UCP3: variants seen among roughly 807,000 people sequenced by gnomAD.
UCP3 encodes the protein uncoupling protein 3.
A neutral mutation model predicts 28.1 loss-of-function variants in UCP3; 24 were observed. The observed-to-expected ratio is 0.85, with a 90% CI of 0.62 to 1.20. UCP3 has a LOEUF of 1.20. UCP3 is among the 50% of genes most tolerant of loss of function. UCP3 has a pLI of 0.00. For synonymous variants in UCP3, 184 were observed against 171.2 expected (o/e 1.07, Z -0.59); for missense variants, 397 against 422.2 (o/e 0.94, Z 0.52).
At position 74,003,920 on chromosome 11, in the gene UCP3, C is replaced by T. The variant is rs755928179; in HGVS notation, c.731G>A (p.Arg244Gln). 2.0e-5 allele frequency: 33 copies of T among 1,614,082 alleles called. No homozygotes were observed. The Admixed American group carries it at 2.8e-4, about 14-fold the overall frequency. The change falls in exon 6 of 7, where the codon CGG becomes CAG. Residue 244 changes from arginine to glutamine, a missense_variant. Physicochemically the swap from Arg to Gln is conservative, Grantham distance 43 (BLOSUM62 1). Coordinates refer to ENST00000314032, the MANE Select transcript of UCP3 (RefSeq NM_003356.4). The part of the protein sequence containing the change: ...VASPVDVVKT[R>Q]YMNSPPGQYF... ...CTGGCCTGGAGGTGAGTTCATATACCGGGTCTTCACCACGTCCACCGGGGA... is the reference window on the plus strand; with the variant it reads ...CTGGCCTGGAGGTGAGTTCATATACTGGGTCTTCACCACGTCCACCGGGGA...
At chr11:74,002,547 G>A (rs1415046331) in intron 6 of UCP3, among the ~76,000 whole-genome samples, 2 of 152,142 alleles carry the variant, frequency 1.3e-5, no homozygotes, top group Non-Finnish European at 2.9e-5. Context: ...GTGCAGATTA[G>A]GTGAGTTAAT....
intron 4 of UCP3, 100 bp from the exon 5 acceptor site, chr11:74,004,685 T>G: frequency 8.7e-7 from 1 of 1,146,100 alleles, no homozygotes; most frequent in Non-Finnish European, 1.3e-6. Context: ...CAGGCCCCAG[T>G]TTTGGGGCCA....
chr11:74,008,790 C>A (rs1486016213), intron 1 of UCP3, among the ~76,000 whole-genome samples, 188 bp downstream of exon 1: 1 of 152,170 alleles, frequency 6.6e-6, no homozygotes, highest in African/African-American at 2.4e-5. Flanking sequence ...TGCCACAGTA[C>A]CCTCATCAAG....
intron 4 of UCP3, among the ~76,000 whole-genome samples, chr11:74,004,904 C>G (rs1470565514): frequency 6.6e-6 from 1 of 152,226 alleles, no homozygotes; most frequent in Non-Finnish European, 1.5e-5. Flanking sequence ...GGAGACCCAG[C>G]TGCAGCCAGA....
Position 74,002,905 on chromosome 11 carries a change from C to G in UCP3, c.824+922G>C, listed in dbSNP as rs1337193618. 7.1e-6 allele frequency: 7 copies of G among 985,446 alleles called. No homozygotes were observed. In the East Asian group the frequency reaches 3.4e-4, roughly 48 times the overall value. The allele number at this position is 985,446 out of a possible 1,614,324, so 61.0% of individuals were successfully genotyped here. ...CATCAGCAGTGGGAGGTGAAAGGGCCAAGCTAAGAGCTTACCAGTAGGATA... is the reference window on the plus strand; with the variant it reads ...CATCAGCAGTGGGAGGTGAAAGGGCGAAGCTAAGAGCTTACCAGTAGGATA... On this transcript the variant is annotated intron_variant, in intron 6 of 6. Coordinates refer to ENST00000314032, the MANE Select transcript of UCP3 (RefSeq NM_003356.4).
intron 6 of UCP3, 81 bp from the exon 7 acceptor site, chr11:74,001,607 G>T: frequency 8.1e-7 from 1 of 1,234,292 alleles, no homozygotes; most frequent in Non-Finnish European, 1.2e-6. Context: ...GGACACAGTG[G>T]TAGTGCCAGA....
At chr11:74,003,395 A>G in intron 6 of UCP3, 9 of 954,724 alleles carry the variant, frequency 9.4e-6, no homozygotes, top group Non-Finnish European at 1.1e-5. Context: ...TGGCATTTGA[A>G]CTCGTCTTGA....
chr11:74,004,185 C>T (rs964797427), intron 5 of UCP3, among the ~76,000 whole-genome samples, 178 bp from the exon 6 acceptor site: 4 of 152,208 alleles, frequency 2.6e-5, no homozygotes, highest in African/African-American at 4.8e-5. Flanking sequence ...CCTGGGCTGA[C>T]CCAGAGGTGG....
chr11:74,006,491 T>G (rs945617873), intron 2 of UCP3, 112 bp from the exon 3 acceptor site: 9 of 1,082,094 alleles, frequency 8.3e-6, no homozygotes, highest in Middle Eastern at 3.0e-4. Context: ...AGAACAACCA[T>G]GCTGGTCACA....
At chr11:74,003,330 G>GAGTTTGATACC (rs1951634608) in intron 6 of UCP3, 1 of 336,370 alleles carries the variant, frequency 3.0e-6, no homozygotes, top group Non-Finnish European at 4.2e-6. Flanking sequence ...AAATGGCATT[G>GAGTTTGATACC]CAGAAGTTCC....
intron 6 of UCP3, 124 bp downstream of exon 6, chr11:74,003,703 C>G: frequency 6.9e-7 from 1 of 1,458,204 alleles, no homozygotes; most frequent in Non-Finnish European, 9.0e-7. Flanking sequence ...TAAACTTCTT[C>G]TTTGTGGCAT....
Position 74,006,436 on chromosome 11 carries a change from T to C in UCP3, c.127-57A>G. 1.3e-5 allele frequency: 19 copies of C among 1,460,304 alleles called. No homozygotes were observed. In the South Asian group the frequency reaches 2.1e-4, roughly 16 times the overall value. 90.5% of individuals were successfully genotyped at this position (1,460,304 alleles called of 1,614,324 possible). A position where few individuals can be genotyped will look rare whatever the true frequency, so the allele number is the denominator to read the frequency against. On this transcript the variant is annotated intron_variant, in intron 2 of 6. Transcript: ENST00000314032. Reference sequence around the variant, plus strand: ...GATGGGAAGGCAAGAAGGGGCTGCGTGCACAGGAACCCTGCTGGGGCTGGG... The same window carrying C: ...GATGGGAAGGCAAGAAGGGGCTGCGCGCACAGGAACCCTGCTGGGGCTGGG...
chr11:74,004,401 C>T, intron 5 of UCP3, 83 bp downstream of exon 5: 1 of 1,298,042 alleles, frequency 7.7e-7, no homozygotes, highest in Non-Finnish European at 1.1e-6. Context: ...AACCCAGTTG[C>T]CTCTGGGTGG....
At chr11:74,002,921 C>T (rs2135386006) in intron 6 of UCP3, 6 of 985,406 alleles carry the variant, frequency 6.1e-6, no homozygotes, top group African/African-American at 1.7e-5. Flanking sequence ...AAGAGCTTAC[C>T]AGTAGGATAA....
chr11:74,001,711 C>G, intron 6 of UCP3, 185 bp from the exon 7 acceptor site: 1 of 596,982 alleles, frequency 1.7e-6, no homozygotes. Flanking sequence ...AGGCAGAAGT[C>G]GGAGTAAGGA....
At chr11:74,004,347 T>C in intron 5 of UCP3, 137 bp downstream of exon 5, 1 of 817,600 alleles carries the variant, frequency 1.2e-6, no homozygotes, top group Non-Finnish European at 1.9e-6. Context: ...ACAATGTACC[T>C]GGCACTTTTT....
At position 74,000,687 on chromosome 11, in the gene UCP3, A is replaced by G. The variant is rs1274548171; in HGVS notation, c.*725T>C. On this transcript the variant is annotated 3_prime_UTR_variant, in exon 7 of 7. Coordinates refer to ENST00000314032, the MANE Select transcript of UCP3 (RefSeq NM_003356.4). ...CGTTCATGCCCAGCTTCTCACTTGC[A>G]TGTCATAGCACCCCTGGTGAGGTGG... 6.6e-6 allele frequency: 1 copy of G among 152,202 alleles called. No homozygotes were observed. The highest frequency in any genetic ancestry group is 2.4e-5 in the African/African-American group (1 of 41,432). 9.4% of individuals were successfully genotyped at this position (152,202 alleles called of 1,614,324 possible). A position where few individuals can be genotyped will look rare whatever the true frequency, so the allele number is the denominator to read the frequency against.
intron 6 of UCP3, 53 bp downstream of exon 6, chr11:74,003,774 G>GA: frequency 6.6e-7 from 1 of 1,524,966 alleles, no homozygotes. Context: ...CATTCGAAAA[G>GA]AAAGAAGCCC....
At chr11:74,002,573 G>A (rs1253042146) in intron 6 of UCP3, among the ~76,000 whole-genome samples, 2 of 152,164 alleles carry the variant, frequency 1.3e-5, no homozygotes, top group South Asian at 2.1e-4. Context: ...ACAGCACTCA[G>A]CACAGGGCCC....
Sources: gnomAD v4.1 joint callset for allele counts (sites outside exome capture counted in the v4.1 genomes callset) on GRCh38, gnomAD v4.1.1 for gene constraint, MANE v1.5 for transcripts, NCBI Gene and HGNC (gene_info 2026-07-23, HGNC 2026-07-21) for gene names.